The following THAP2 variants were observed in gnomAD, a reference collection of about 807,000 sequenced individuals.
THAP2 encodes THAP domain-containing protein 2.
Under a neutral mutation model 18.8 loss-of-function variants are expected in THAP2, and 16 were observed. That is an observed-to-expected ratio of 0.85 (90% confidence interval 0.58 to 1.29). The LOEUF (loss-of-function observed/expected upper bound fraction) is 1.29, where lower values mean the gene tolerates loss of function less well. Among genes scored for constraint, THAP2 ranks in the 50% most tolerant of loss-of-function variants. The probability of loss-of-function intolerance (pLI) is 0.00; values close to 1 mark genes in which losing one functional copy is unlikely to be tolerated. For missense variants in THAP2, 251 were observed against 265.3 expected (o/e 0.95, Z 0.38); for synonymous variants, 80 against 89.2 (o/e 0.90, Z 0.58).
chr12:71,670,887 C>A lies in THAP2; in HGVS notation c.72-3316C>A, dbSNP rs1049046472. ...CTGGGAGGTGGAGGTTGCAGGGAGC[C>A]GAGATGGCACCATTCACTCCAGCCT... is the stretch of plus-strand genomic sequence containing the variant. On this transcript the variant is annotated intron_variant, in intron 1 of 2. Transcript: ENST00000308086. Among the ~76,000 whole-genome samples the A allele has an allele frequency of 3.8e-4, 55 of 143,284 alleles. 1 individual carries two copies. Among genetic ancestry groups the A allele is most frequent in the Admixed American group, 1.3e-3 (18 of 13,864 alleles). 94.0% of individuals were successfully genotyped at this position (143,284 alleles called of 152,430 possible).
chr12:71,670,637 A>G lies in THAP2; in HGVS notation c.72-3566A>G, dbSNP rs139173994. Among the ~76,000 whole-genome samples the G allele has an allele frequency of 9.1e-3, 1,386 of 152,284 alleles. 8 individuals carry two copies. Among genetic ancestry groups the G allele is most frequent in the Middle Eastern group, 0.027 (8 of 294 alleles). On this transcript the variant is annotated intron_variant, in intron 1 of 2. Transcript: ENST00000308086. ...AGAATAAAGTAAGCCAGAGAAAAGA[A>G]AATGTTATTAAGAAAATCCTGCCGG... is the stretch of plus-strand genomic sequence containing the variant.
intron 1 of THAP2, chr12:71,665,257 C>G: frequency 3.3e-6 from 1 of 302,398 alleles, no homozygotes; most frequent in Non-Finnish European, 6.2e-6. Flanking sequence ...TTTACCTTCT[C>G]TGCAAGTGCC....
chr12:71,669,957 CAAA>C (rs5799052), intron 1 of THAP2, among the ~76,000 whole-genome samples: 1 of 104,712 alleles, frequency 9.6e-6, no homozygotes, highest in Non-Finnish European at 2.2e-5. Flanking sequence ...AACTCCGTCT[CAAA>C]AAAAAAAAAA....
chr12:71,669,262 TC>T (rs1881393506), intron 1 of THAP2, among the ~76,000 whole-genome samples: 1 of 152,244 alleles, frequency 6.6e-6, no homozygotes, highest in African/African-American at 2.4e-5. Flanking sequence ...TATAGCGACA[TC>T]TAACCCAGTC....
rs1881568273 is a variant in THAP2 at position 71,679,433 on chromosome 12, T to C, written c.*2325T>C. 1 of 152,168 alleles carries C rather than the reference T, an allele frequency of 6.6e-6. No individual in the cohort carries two copies. Among genetic ancestry groups the C allele is most frequent in the Non-Finnish European group, 1.5e-5 (1 of 68,002 alleles). 9.4% of individuals were successfully genotyped at this position (152,168 alleles called of 1,614,324 possible). On this transcript the variant is annotated 3_prime_UTR_variant, in exon 3 of 3. Transcript: ENST00000308086. ...ACCTAAAAGGAGTCTATTAAAATGC[T>C]GCTTTCAGTTTGATAGTTTTTTTTT...
chr12:71,667,881 C>T (rs1273910897), intron 1 of THAP2: 1 of 152,158 alleles, frequency 6.6e-6, no homozygotes, highest in Non-Finnish European at 1.5e-5. Flanking sequence ...TTCCACCATA[C>T]AGATACAACA....
intron 1 of THAP2, among the ~76,000 whole-genome samples, chr12:71,673,072 A>G (rs4383564): frequency 0.04 from 6,085 of 152,216 alleles, 406 homozygotes; most frequent in African/African-American, 0.14. Flanking sequence ...AGTTATTATT[A>G]TACTGCATCT....
At position 71,664,380 on chromosome 12, in the gene THAP2, C is replaced by T; in HGVS notation, c.-130C>T. 8.9e-7 allele frequency: 1 copy of T among 1,117,728 alleles called. No homozygotes were observed. The highest frequency in any genetic ancestry group is 1.3e-6 in the Non-Finnish European group (1 of 745,714). The allele number at this position is 1,117,728 out of a possible 1,614,324, so 69.2% of individuals were successfully genotyped here. On this transcript the variant is annotated 5_prime_UTR_variant, in exon 1 of 3. Transcript: ENST00000308086. ...CCCACATACACACCCCTTCTTCCCA[C>T]TCCGCTCTCACGACTAAGCTCTCAC...
chr12:71,671,701 T>C (rs1881441736), intron 1 of THAP2, among the ~76,000 whole-genome samples: 1 of 152,234 alleles, frequency 6.6e-6, no homozygotes, highest in African/African-American at 2.4e-5. Context: ...TCTATCTTTG[T>C]TGGGGTTTTC....
chr12:71,667,044 C>G (rs996935918), intron 1 of THAP2, among the ~76,000 whole-genome samples: 5 of 152,158 alleles, frequency 3.3e-5, no homozygotes, highest in Non-Finnish European at 7.3e-5. Context: ...TAGTAGACTT[C>G]TGTATCTCTA....
intron 1 of THAP2, among the ~76,000 whole-genome samples, chr12:71,666,060 A>T (rs1881337178): frequency 6.6e-6 from 1 of 152,214 alleles, no homozygotes; most frequent in Admixed American, 6.5e-5. Context: ...AGGAAGCTGT[A>T]GTAAATAAAA....
In THAP2 at chr12:71,671,069, G is replaced by C. The variant is rs184296781; in HGVS notation, c.72-3134G>C. On this transcript the variant is annotated intron_variant, in intron 1 of 2. Transcript: ENST00000308086. ...AGGAGGAGGAGGAAGAAGGGGGTTG[G>C]TTTTGCTGCCTCAGGCATGGCAAAG... Among the ~76,000 whole-genome samples, 1,451 of 152,194 alleles carry C rather than the reference G, an allele frequency of 9.5e-3. 12 individuals carry two copies. The highest frequency in any genetic ancestry group is 0.014 in the Non-Finnish European group (975 of 68,000).
At chr12:71,667,135 ATCT>A (rs1412704952) in intron 1 of THAP2, among the ~76,000 whole-genome samples, 1 of 152,178 alleles carries the variant, frequency 6.6e-6, no homozygotes, top group South Asian at 2.1e-4. Context: ...CTCCCCAGTA[ATCT>A]TCTGAAATTG....
Position 71,664,553 on chromosome 12 carries a change from A to G in THAP2, c.44A>G (p.Asn15Ser), listed in dbSNP as rs1471091136. Residue 15 changes from asparagine to serine, a missense_variant, in exon 1 of 3, where the codon AAC (asparagine) becomes AGC (serine). Coordinates refer to ENST00000308086, the MANE Select transcript of THAP2 (RefSeq NM_031435.4). Reference protein sequence around the residue: ...CAAAGCATTYNKHINISFHRF... With the variant: ...CAAAGCATTYSKHINISFHRF... ...GCGGCGGGCTGTGCCACTACCTACA[A>G]CAAGCACATTAACATCAGCTTCCAC... 1.2e-6 allele frequency: 2 copies of G among 1,614,140 alleles called. No individual in the cohort carries two copies. Among genetic ancestry groups the G allele is most frequent in the Admixed American group, 1.7e-5 (1 of 60,022 alleles).
At chr12:71,676,580 T>C (rs898767135) in intron 2 of THAP2, 109 bp from the exon 3 acceptor site, 4 of 1,148,256 alleles carry the variant, frequency 3.5e-6, no homozygotes, top group Middle Eastern at 2.9e-4. Flanking sequence ...AGTTTTAAAA[T>C]TGACTTTTAA....
intron 1 of THAP2, chr12:71,664,928 A>C (rs1289661614): frequency 2.8e-6 from 2 of 702,186 alleles, no homozygotes; most frequent in Admixed American, 2.0e-5. Flanking sequence ...ATCAGCAATC[A>C]CCGTAAAAGC....
rs985105881 is a variant in THAP2 at position 71,677,804 on chromosome 12, T to C, written c.*696T>C. The C allele has an allele frequency of 4.7e-4, 72 of 152,210 alleles. No individual in the cohort carries two copies. Among genetic ancestry groups the C allele is most frequent in the African/African-American group, 1.5e-3 (64 of 41,542 alleles). The allele number at this position is 152,210 out of a possible 1,614,324, so 9.4% of individuals were successfully genotyped here. On this transcript the variant is annotated 3_prime_UTR_variant, in exon 3 of 3. Transcript: ENST00000308086. The stretch of plus-strand genomic sequence containing the variant: ...CTGATAATATTCACCTAAGTAAGTG[T>C]TGTAAAATAATTCAGAGTTCAGGAC...
intron 1 of THAP2, among the ~76,000 whole-genome samples, chr12:71,673,030 T>C (rs1275395950): frequency 2.6e-5 from 4 of 152,166 alleles, no homozygotes; most frequent in Non-Finnish European, 5.9e-5. Context: ...ATTATTACAG[T>C]AGTACAGTAT....
chr12:71,676,712 G>C lies in THAP2; in HGVS notation c.291G>C (p.Leu97Phe). Residue 97 changes from leucine to phenylalanine, a missense_variant, in exon 3 of 3, where the codon TTG (leucine) becomes TTC (phenylalanine). By Grantham distance (22) the Leu-to-Phe change is conservative (BLOSUM62 0). Transcript: ENST00000308086. ...KSMKLKSRNL[L>F]KKNNSCSPAG... ...AGAAACTCAAGTCAAGGAATCTTTT[G>C]AAGAAAAACAACAGTTGTTCTCCAG... The C allele has an allele frequency of 6.3e-7, 1 of 1,578,714 alleles. No individual in the cohort carries two copies. Among genetic ancestry groups the C allele is most frequent in the Non-Finnish European group, 8.6e-7 (1 of 1,166,008 alleles).
Sources: allele counts gnomAD v4.1 joint callset (sites outside exome capture counted in the v4.1 genomes callset), GRCh38; gene constraint gnomAD v4.1.1; transcripts MANE v1.5; gene names NCBI Gene and HGNC (gene_info 2026-07-23, HGNC 2026-07-21).